ADAM2: variants seen among roughly 807,000 people sequenced by gnomAD.
ADAM2 encodes ADAM metallopeptidase domain 2.
In ADAM2, 101 loss-of-function variants were observed where a neutral mutation model predicts 99.3. That is an observed-to-expected ratio of 1.02 (90% confidence interval 0.87 to 1.20). The LOEUF is 1.20. Among genes scored for constraint, ADAM2 ranks in the 50% most tolerant of loss-of-function variants. The pLI, the probability that ADAM2 is intolerant of heterozygous loss-of-function variation, is 0.00. For missense variants in ADAM2, 948 were observed against 878.7 expected, an observed-to-expected ratio of 1.08 and a Z score of -1.00; for synonymous variants, 323 against 287.6, an observed-to-expected ratio of 1.12 and a Z score of -1.25.
chr8:39,812,073 A>G (rs1367809544), intron 6 of ADAM2, among the ~76,000 whole-genome samples: 1 of 152,236 alleles, frequency 6.6e-6, no homozygotes, highest in Non-Finnish European at 1.5e-5. Context: ...AAGCAACTTC[A>G]GCAAAGTCTC....
intron 3 of ADAM2, among the ~76,000 whole-genome samples, chr8:39,825,408 G>A (rs1461901736): frequency 6.6e-6 from 1 of 151,878 alleles, no homozygotes; most frequent in Non-Finnish European, 1.5e-5. Context: ...CTCATTTGAT[G>A]ATAATATAAA....
At chr8:39,765,026 A>AAAATAAATAAAT (rs61653294) in intron 14 of ADAM2, among the ~76,000 whole-genome samples, 5 of 145,252 alleles carry the variant, frequency 3.4e-5, no homozygotes, top group Admixed American at 6.9e-5. Flanking sequence ...CCGGCTCCAA[A>AAAATAAATAAAT]AAATAAATAA....
intron 10 of ADAM2, among the ~76,000 whole-genome samples, chr8:39,780,149 G>T (rs1248940351): frequency 6.6e-6 from 1 of 152,092 alleles, no homozygotes; most frequent in Non-Finnish European, 1.5e-5. Flanking sequence ...ATGGTGGCAG[G>T]CCAGAGAACG....
At chr8:39,826,398 A>G (rs1321569102) in intron 3 of ADAM2, among the ~76,000 whole-genome samples, 1 of 152,164 alleles carries the variant, frequency 6.6e-6, no homozygotes, top group Non-Finnish European at 1.5e-5. Context: ...ATGCAGAAAA[A>G]CAAAATTGCA....
rs188450529 is a variant in ADAM2, at chr8:39,774,714, G to A, written c.1028+2311C>T. The stretch of plus-strand genomic sequence containing the variant: ...TGACATTATCCAAGAGGATGTGGAG[G>A]GCCCAAAGAACTTCTTATATTTGTG... On this transcript the variant is annotated intron_variant, in intron 11 of 20. Transcript: ENST00000265708. 1.1e-4 allele frequency: 16 copies of A among 152,048 alleles called. 1 individual carries two copies. The highest frequency in any genetic ancestry group is 6.8e-3 in the Middle Eastern group (2 of 294). 9.4% of individuals were successfully genotyped at this position (152,048 alleles called of 1,614,324 possible).
Position 39,755,422 on chromosome 8 carries a change from CCCAGCA to C in ADAM2, c.1797+300_1797+305del, listed in dbSNP as rs1395919668. 2.0e-5 allele frequency among the ~76,000 whole-genome samples: 3 copies of C among 152,184 alleles called. No individual in the cohort carries two copies. The East Asian group carries it at 5.8e-4, about 29-fold the overall frequency. ...AGGTGCAGTGGCTCACGCCTGTAATCCCAGCACTTCAGGAGGCTGAGGTGGGTGGAT... is the reference window on the plus strand; with the variant it reads ...AGGTGCAGTGGCTCACGCCTGTAATCCTTCAGGAGGCTGAGGTGGGTGGAT... On this transcript the variant is annotated intron_variant, in intron 16 of 20. Transcript: ENST00000265708.
At chr8:39,799,403 C>CAGTT (rs1804111896) in intron 7 of ADAM2, among the ~76,000 whole-genome samples, 1 of 148,908 alleles carries the variant, frequency 6.7e-6, no homozygotes, top group Admixed American at 6.6e-5. Context: ...GTCTGAGAAA[C>CAGTT]TGTTATGATT....
chr8:39,762,150 C>T (rs1281514460), intron 14 of ADAM2, among the ~76,000 whole-genome samples: 2 of 152,200 alleles, frequency 1.3e-5, no homozygotes, highest in Non-Finnish European at 2.9e-5. Flanking sequence ...CCTCCAACTG[C>T]TCTACTTGAT....
At chr8:39,811,796 T>C (rs958989800) in intron 6 of ADAM2, among the ~76,000 whole-genome samples, 5 of 152,228 alleles carry the variant, frequency 3.3e-5, no homozygotes, top group African/African-American at 1.2e-4. Context: ...TAAGAGCTAT[T>C]TATGACAAAC....
At chr8:39,761,062 T>C (rs879380479) in intron 15 of ADAM2, 114 bp downstream of exon 15, 1 of 525,488 alleles carries the variant, frequency 1.9e-6, no homozygotes, top group African/African-American at 2.0e-5. Context: ...TGAATAAACA[T>C]GGTCTTACTT....
chr8:39,776,962 C>A, intron 11 of ADAM2, 63 bp downstream of exon 11: 1 of 1,065,118 alleles, frequency 9.4e-7, no homozygotes, highest in South Asian at 1.5e-5. Flanking sequence ...AAACTTTCTT[C>A]AACTAAATAC....
intron 7 of ADAM2, among the ~76,000 whole-genome samples, chr8:39,790,755 A>G (rs887843935): frequency 3.9e-5 from 6 of 151,984 alleles, no homozygotes; most frequent in Non-Finnish European, 7.4e-5. Context: ...GAACTTCCAA[A>G]TCTTCTCCTC....
chr8:39,827,968 T>G (rs1041750007), intron 3 of ADAM2, among the ~76,000 whole-genome samples: 14 of 152,178 alleles, frequency 9.2e-5, no homozygotes, highest in African/African-American at 3.4e-4. Flanking sequence ...TGTTGCGAAC[T>G]GTTTATATAT....
intron 7 of ADAM2, among the ~76,000 whole-genome samples, chr8:39,790,844 G>A (rs1803681817): frequency 6.6e-6 from 1 of 151,816 alleles, no homozygotes; most frequent in African/African-American, 2.4e-5. Flanking sequence ...AACAACTCCT[G>A]AAAAGAGAGG....
intron 15 of ADAM2, among the ~76,000 whole-genome samples, chr8:39,760,101 A>G (rs529509329): frequency 6.6e-6 from 1 of 152,194 alleles, no homozygotes; most frequent in African/African-American, 2.4e-5. Context: ...TCCTAACCTC[A>G]GGTGATCTGC....
chr8:39,765,953 T>C (rs1802551242), intron 14 of ADAM2, among the ~76,000 whole-genome samples: 1 of 152,212 alleles, frequency 6.6e-6, no homozygotes, highest in Non-Finnish European at 1.5e-5. Context: ...ATTTTTTCGA[T>C]ATGGGGATGA....
At chr8:39,812,378 C>G (rs911895817) in intron 6 of ADAM2, among the ~76,000 whole-genome samples, 2 of 152,016 alleles carry the variant, frequency 1.3e-5, no homozygotes, top group Non-Finnish European at 2.9e-5. Flanking sequence ...TCAATGCCAT[C>G]CCCATCAAGC....
chr8:39,814,341 A>C (rs547518929), intron 6 of ADAM2, among the ~76,000 whole-genome samples: 12 of 151,852 alleles, frequency 7.9e-5, no homozygotes, highest in Non-Finnish European at 1.3e-4. Flanking sequence ...TCTGGGTGAC[A>C]GAGTGAGACT....
intron 16 of ADAM2, among the ~76,000 whole-genome samples, chr8:39,753,920 G>C (rs960591039): frequency 1.3e-5 from 2 of 152,128 alleles, no homozygotes; most frequent in African/African-American, 4.8e-5. Flanking sequence ...CCCAGTGTTT[G>C]TAGAATGGCT....
Sources: allele counts gnomAD v4.1 joint callset (sites outside exome capture counted in the v4.1 genomes callset), GRCh38; gene constraint gnomAD v4.1.1; transcripts MANE v1.5; gene names NCBI Gene and HGNC (gene_info 2026-07-23, HGNC 2026-07-21).